GATA4: variants seen among roughly 807,000 people sequenced by gnomAD.
GATA4 encodes the protein GATA binding protein 4.
GATA4 carries 7 observed loss-of-function variants against 37.9 expected under a neutral mutation model. The observed-to-expected ratio is 0.18, with a 90% CI of 0.11 to 0.35. GATA4 has a LOEUF of 0.35. Ranked by LOEUF, GATA4 falls within the 10% of genes least tolerant of loss-of-function variation. The pLI is 1.00. For missense variants in GATA4, 647 were observed against 653.0 expected, an observed-to-expected ratio of 0.99 and a Z score of 0.10; for synonymous variants, 372 against 292.6, an observed-to-expected ratio of 1.27 and a Z score of -2.77.
rs1370553424 is a variant in GATA4, at chr8:11,758,850, G to C, written c.*375G>C. 1 of 339,086 alleles carries C rather than the reference G, an allele frequency of 2.9e-6. No homozygotes were observed. Among genetic ancestry groups the C allele is most frequent in the Non-Finnish European group, 5.7e-6 (1 of 174,720 alleles). 21.0% of individuals were successfully genotyped at this position (339,086 alleles called of 1,614,324 possible). ...GAACAAGCGGAGGGCCGGGCCCTGG[G>C]ACCCCTGCTCCAGCCCGAATGACGG... On this transcript the variant is annotated 3_prime_UTR_variant, in exon 7 of 7. Coordinates refer to ENST00000532059, the MANE Select transcript of GATA4 (RefSeq NM_001308093.3).
In GATA4 at chr8:11,709,579, G is replaced by GT. The variant is rs1006175681; in HGVS notation, c.616+651_616+652insT. Among the ~76,000 whole-genome samples, 7 of 151,898 alleles carry GT rather than the reference G, an allele frequency of 4.6e-5. No individual in the cohort carries two copies. The highest frequency in any genetic ancestry group is 1.3e-4 in the Admixed American group (2 of 15,270). Reference sequence around the variant, plus strand: ...GTGGGCGCATCATGCGGGCAGCGGGGGGGGGGGCGCACACGCCCGGTCAGT... The same window carrying GT: ...GTGGGCGCATCATGCGGGCAGCGGGGTGGGGGGGCGCACACGCCCGGTCAGT... On this transcript the variant is annotated intron_variant, in intron 2 of 6. Transcript: ENST00000532059. This position sits in a 1 kb window ranked among gnomAD's most constrained non-coding sequence, Gnocchi z 4.3.
intron 2 of GATA4, among the ~76,000 whole-genome samples, chr8:11,722,314 C>G (rs982827022): frequency 6.6e-5 from 10 of 152,234 alleles, no homozygotes; most frequent in African/African-American, 2.4e-4. Context: ...AACAGCATGT[C>G]ATTTTACCCA....
upstream of GATA4, among the ~76,000 whole-genome samples, chr8:11,689,641 T>C (rs2409809): frequency 0.54 from 82,643 of 152,080 alleles, 25,188 homozygotes; most frequent in East Asian, 0.77. Context: ...ATGACTGCGG[T>C]TTTGAATGTC....
intron 2 of GATA4, among the ~76,000 whole-genome samples, chr8:11,714,340 G>T (rs897786124): frequency 6.6e-6 from 1 of 152,196 alleles, no homozygotes; most frequent in Non-Finnish European, 1.5e-5. Context: ...TGGAGTGGGG[G>T]CATTCAAGGT....
intron 2 of GATA4, among the ~76,000 whole-genome samples, chr8:11,738,498 T>C (rs1801568559): frequency 6.6e-6 from 1 of 152,262 alleles, no homozygotes; most frequent in Non-Finnish European, 1.5e-5. Context: ...TCATTGTTTA[T>C]GGCTACATAG....
intron 2 of GATA4, among the ~76,000 whole-genome samples, chr8:11,744,509 C>A (rs1801934845): frequency 6.6e-6 from 1 of 152,210 alleles, no homozygotes; most frequent in Non-Finnish European, 1.5e-5. Context: ...GGAAGTTCCT[C>A]TCAGTGCCTT....
At chr8:11,722,415 A>G (rs1291095439) in intron 2 of GATA4, among the ~76,000 whole-genome samples, 1 of 152,226 alleles carries the variant, frequency 6.6e-6, no homozygotes, top group Non-Finnish European at 1.5e-5. Context: ...CCTGAAACAA[A>G]TTGTCACTCT....
chr8:11,695,284 T>C (rs1799471022), intron 1 of GATA4, among the ~76,000 whole-genome samples: 1 of 152,028 alleles, frequency 6.6e-6, no homozygotes, highest in South Asian at 2.1e-4. Context: ...CACATGCCTG[T>C]AATCCCAGCA....
In GATA4 at chr8:11,708,524, C is replaced by A; in HGVS notation, c.212C>A (p.Ser71Tyr). 1 of 1,455,034 alleles carries A rather than the reference C, an allele frequency of 6.9e-7. No individual in the cohort carries two copies. The highest frequency in any genetic ancestry group is 9.0e-7 in the Non-Finnish European group (1 of 1,111,096). 90.1% of individuals were successfully genotyped at this position (1,455,034 alleles called of 1,614,324 possible). A position where few individuals can be genotyped will look rare whatever the true frequency, so the allele number is the denominator to read the frequency against. ...TCCGGAGGCGCCTCGGGCGGCAGCT[C>A]CGGTGGGGCCGCGTCTGGTGCGGGG... ...SASGGASGGS[S>Y]GGAASGAGPG... Residue 71 changes from serine (S) to tyrosine (Y), a missense_variant, in exon 2 of 7, where the codon TCC (serine) becomes TAC (tyrosine). Physicochemically the swap from Ser to Tyr is moderately radical, Grantham distance 144. Coordinates refer to ENST00000532059, the MANE Select transcript of GATA4 (RefSeq NM_001308093.3). The surrounding 1 kb of genome is among the most constrained non-coding windows in gnomAD (Gnocchi z 6.7).
chr8:11,759,896 GCCCCCTCGTATA>G lies in GATA4; in HGVS notation c.*1425_*1436del, dbSNP rs1363497498. 6.6e-6 allele frequency: 1 copy of G among 152,590 alleles called. No homozygotes were observed. The highest frequency in any genetic ancestry group is 1.5e-5 in the Non-Finnish European group (1 of 68,042). The allele number at this position is 152,590 out of a possible 1,614,324, so 9.5% of individuals were successfully genotyped here. On this transcript the variant is annotated 3_prime_UTR_variant, in exon 7 of 7. Transcript: ENST00000532059. Reference sequence around the variant, plus strand: ...TCATTTACATTGTTTTCTTCCAAAGGCCCCCTCGTATACCCTCCCTAACCCACAAACCTGTTA... The same window carrying G: ...TCATTTACATTGTTTTCTTCCAAAGGCCCTCCCTAACCCACAAACCTGTTA...
chr8:11,750,807 C>A, intron 4 of GATA4, among the ~76,000 whole-genome samples: 1 of 141,568 alleles, frequency 7.1e-6, no homozygotes, highest in African/African-American at 2.6e-5. Context: ...TCTAGCTGGG[C>A]ATGGTGGTGC....
chr8:11,729,348 T>C lies in GATA4; in HGVS notation c.617-19568T>C, dbSNP rs1801093741. Among the ~76,000 whole-genome samples, 4 of 152,018 alleles carry C rather than the reference T, an allele frequency of 2.6e-5. No individual in the cohort carries two copies. The South Asian group carries it at 8.3e-4, about 32-fold the overall frequency. Reference sequence around the variant, plus strand: ...ACTTTGGGAGGCCAGGGTGAACGGATCACGAGGTCAGGAGTTCAAGACTAG... The same window carrying C: ...ACTTTGGGAGGCCAGGGTGAACGGACCACGAGGTCAGGAGTTCAAGACTAG... On this transcript the variant is annotated intron_variant, in intron 2 of 6. Transcript: ENST00000532059.
Position 11,708,353 on chromosome 8 carries a change from C to G in GATA4, c.41C>G (p.Pro14Arg), listed in dbSNP as rs996317979. Residue 14 changes from proline to arginine, a missense_variant, in exon 2 of 7, where the codon CCC becomes CGC. Around this residue, in one of 5 missense-constraint regions of GATA4, gnomAD observed 379 missense variants for 334.5 expected, o/e 1.13. Transcript: ENST00000532059. This position sits in a 1 kb window ranked among gnomAD's most constrained non-coding sequence, Gnocchi z 6.7. Reference sequence around the variant, plus strand: ...GCCATGGCCGCCAACCACGGGCCGCCCCCCGGTGCCTACGAGGCGGGCGGC... The same window carrying G: ...GCCATGGCCGCCAACCACGGGCCGCGCCCCGGTGCCTACGAGGCGGGCGGC... ...SLAMAANHGPPPGAYEAGGPG... is the reference protein window; with the variant it reads ...SLAMAANHGPRPGAYEAGGPG... 8.2e-6 allele frequency: 13 copies of G among 1,582,932 alleles called. No homozygotes were observed. The highest frequency in any genetic ancestry group is 1.0e-5 in the Non-Finnish European group (12 of 1,172,610).
chr8:11,732,305 G>A (rs1244898969), intron 2 of GATA4, among the ~76,000 whole-genome samples: 3 of 152,202 alleles, frequency 2.0e-5, no homozygotes, highest in Non-Finnish European at 4.4e-5. Flanking sequence ...ACTACTAGAC[G>A]TATTGTCATC....
chr8:11,740,548 AGCTTCCCACATGGAG>A (rs1037331027), intron 2 of GATA4, among the ~76,000 whole-genome samples: 1 of 152,196 alleles, frequency 6.6e-6, no homozygotes, highest in African/African-American at 2.4e-5. Flanking sequence ...GACTGATCGT[AGCTTCCCACATGGAG>A]GCCCCCATGA....
chr8:11,725,628 G>A (rs10081593), intron 2 of GATA4, among the ~76,000 whole-genome samples: 132 of 152,264 alleles, frequency 8.7e-4, no homozygotes, highest in African/African-American at 3.0e-3. Context: ...GCCAAGGTTC[G>A]TGAAACTCCT....
At chr8:11,693,655 T>G (rs1361738009) in intron 1 of GATA4, among the ~76,000 whole-genome samples, 1 of 141,470 alleles carries the variant, frequency 7.1e-6, no homozygotes. Flanking sequence ...AGGGCCAGAG[T>G]GGGCGGCTGG....
intron 2 of GATA4, among the ~76,000 whole-genome samples, chr8:11,717,997 A>G (rs1800512027): frequency 6.6e-6 from 1 of 152,188 alleles, no homozygotes; most frequent in African/African-American, 2.4e-5. Flanking sequence ...CTCACTCAAA[A>G]ATCCCTTTCC....
intron 2 of GATA4, among the ~76,000 whole-genome samples, chr8:11,740,368 C>T (rs1563220795): frequency 6.6e-6 from 1 of 152,242 alleles, no homozygotes; most frequent in African/African-American, 2.4e-5. Context: ...AATATGCCCC[C>T]TCCCCTCAGA....
Sources: allele counts gnomAD v4.1 joint callset (sites outside exome capture counted in the v4.1 genomes callset), GRCh38; gene constraint gnomAD v4.1.1; regional missense constraint gnomAD v4.1.1; non-coding constraint Gnocchi (gnomAD v3.1); transcripts MANE v1.5; gene names NCBI Gene and HGNC (gene_info 2026-07-23, HGNC 2026-07-21).